The following GPRIN3 variants were observed in gnomAD, a reference collection of about 807,000 sequenced individuals.
The protein encoded by GPRIN3 is G protein-regulated inducer of neurite outgrowth 3.
A neutral mutation model predicts 13.7 loss-of-function variants in GPRIN3; 12 were observed. That is an observed-to-expected ratio of 0.87 (90% CI 0.56 to 1.42). The LOEUF (loss-of-function observed/expected upper bound fraction) is 1.42, where lower values mean the gene tolerates loss of function less well. GPRIN3 is among the 40% of genes most tolerant of loss of function. The pLI is 0.00. For missense variants in GPRIN3, 1,009 were observed against 958.7 expected, an observed-to-expected ratio of 1.05 and a Z score of -0.69; for synonymous variants, 377 against 372.7, an observed-to-expected ratio of 1.01 and a Z score of -0.13.
Position 89,250,326 on chromosome 4 carries a change from A to G in GPRIN3, c.-123-93T>C, listed in dbSNP as rs1723293793. 9.0e-6 allele frequency: 8 copies of G among 885,566 alleles called. No homozygotes were observed. In the East Asian group the frequency reaches 2.5e-4, roughly 27 times the overall value. 54.9% of individuals were successfully genotyped at this position (885,566 alleles called of 1,614,324 possible). ...GTCGTTTTTATAAGAGCACATTAAA[A>G]ACTTTTCTTCCCATACCTGTTGATA... On this transcript the variant is annotated intron_variant, in intron 1 of 1. Transcript: ENST00000609438.
Position 89,261,698 on chromosome 4 carries a change from A to C in GPRIN3, c.-123-11465T>G, listed in dbSNP as rs554189740. Among the ~76,000 whole-genome samples, 315 of 152,336 alleles carry C rather than the reference A, an allele frequency of 2.1e-3. 2 individuals carry two copies. The highest frequency in any genetic ancestry group is 7.1e-3 in the African/African-American group (294 of 41,566). On this transcript the variant is annotated intron_variant, in intron 1 of 1. Coordinates refer to ENST00000609438, the MANE Select transcript of GPRIN3 (RefSeq NM_198281.3). ...ATGCACAAGGTTTTTCACTACATGA[A>C]ATAACAACAGATTAGAAGCAATTTA...
chr4:89,281,469 C>T (rs1724248997), intron 1 of GPRIN3, among the ~76,000 whole-genome samples: 1 of 152,194 alleles, frequency 6.6e-6, no homozygotes, highest in Admixed American at 6.5e-5. Context: ...AAGTCACTCA[C>T]TGTCGTGAAG....
rs1723289313 is a variant in GPRIN3 at position 89,250,199 on chromosome 4, G to A, written c.-89C>T. On this transcript the variant is annotated 5_prime_UTR_variant, in exon 2 of 2. Coordinates refer to ENST00000609438, the MANE Select transcript of GPRIN3 (RefSeq NM_198281.3). Reference sequence around the variant, plus strand: ...GAGCGCAGTCAGAGCTCAGAGTGATGACACAGTCAGGGATGATTCCTCTGA... The same window carrying A: ...GAGCGCAGTCAGAGCTCAGAGTGATAACACAGTCAGGGATGATTCCTCTGA... The A allele has an allele frequency of 6.6e-7, 1 of 1,520,774 alleles. No individual in the cohort carries two copies. Among genetic ancestry groups the A allele is most frequent in the Non-Finnish European group, 8.8e-7 (1 of 1,135,500 alleles). 94.2% of individuals were successfully genotyped at this position (1,520,774 alleles called of 1,614,324 possible).
intron 1 of GPRIN3, among the ~76,000 whole-genome samples, chr4:89,277,570 T>C (rs1217305990): frequency 6.6e-6 from 1 of 152,252 alleles, no homozygotes; most frequent in Non-Finnish European, 1.5e-5. Context: ...GTCTTCCCCG[T>C]CTGCCAACTG....
rs995037994 is a variant in GPRIN3, at chr4:89,248,504, C to G, written c.1607G>C (p.Arg536Thr). Reference protein sequence around the residue: ...SLDPTNKGDAREKKPASPQVV... With the variant: ...SLDPTNKGDATEKKPASPQVV... ...CTGAGGAGATGCAGGCTTCTTTTCC[C>G]TTGCATCTCCTTTATTAGTGGGATC... The change falls in exon 2 of 2, where the codon AGG (arginine) becomes ACG (threonine). Residue 536 changes from arginine to threonine, a missense_variant. Arg to Thr is a moderately conservative substitution (Grantham distance 71). Coordinates refer to ENST00000609438, the MANE Select transcript of GPRIN3 (RefSeq NM_198281.3). 1 of 1,612,984 alleles carries G rather than the reference C, an allele frequency of 6.2e-7. No homozygotes were observed. Among genetic ancestry groups the G allele is most frequent in the Non-Finnish European group, 8.5e-7 (1 of 1,179,452 alleles).
At position 89,250,239 on chromosome 4, in the gene GPRIN3, A is replaced by G; in HGVS notation, c.-123-6T>C. ...GATTCCTCTGAAGAACCAGCCTGTGAATCAAGGAAACAGCATCATTAATAC... is the reference window on the plus strand; with the variant it reads ...GATTCCTCTGAAGAACCAGCCTGTGGATCAAGGAAACAGCATCATTAATAC... On this transcript the variant is annotated splice_region_variant and splice_polypyrimidine_tract_variant and intron_variant, in intron 1 of 1. Transcript: ENST00000609438. The G allele has an allele frequency of 1.3e-6, 2 of 1,492,890 alleles. No homozygotes were observed. The highest frequency in any genetic ancestry group is 1.8e-6 in the Non-Finnish European group (2 of 1,121,184). The allele number at this position is 1,492,890 out of a possible 1,614,324, so 92.5% of individuals were successfully genotyped here.
At position 89,249,596 on chromosome 4, in the gene GPRIN3, C is replaced by A; in HGVS notation, c.515G>T (p.Cys172Phe). ...SNREQPEKPS[C>F]PVGGVLSSSK... Reference sequence around the variant, plus strand: ...GCTACTGAGGACGCCTCCCACAGGACAACTTGGTTTCTCAGGTTGCTCTCT... The same window carrying A: ...GCTACTGAGGACGCCTCCCACAGGAAAACTTGGTTTCTCAGGTTGCTCTCT... The change falls in exon 2 of 2, where the codon TGT becomes TTT. Residue 172 changes from cysteine (C) to phenylalanine (F), a missense_variant. Cys to Phe is a radical substitution (Grantham distance 205, BLOSUM62 -2). Coordinates refer to ENST00000609438, the MANE Select transcript of GPRIN3 (RefSeq NM_198281.3). 6.2e-7 allele frequency: 1 copy of A among 1,614,144 alleles called. No homozygotes were observed. The highest frequency in any genetic ancestry group is 8.5e-7 in the Non-Finnish European group (1 of 1,180,014).
rs779328138 is a variant in GPRIN3 at position 89,248,643 on chromosome 4, T to C, written c.1468A>G (p.Thr490Ala). The change falls in exon 2 of 2, where the codon ACC becomes GCC. Residue 490 changes from threonine to alanine, a missense_variant. Thr to Ala is a moderately conservative substitution (Grantham distance 58). Transcript: ENST00000609438. ...ETSYGLGKFE[T>A]RPSEFAEKTT... ...TTCTCTGCAAACTCAGATGGCCTGG[T>C]TTCAAATTTCCCCAATCCATAACTT... 2 of 1,614,154 alleles carry C rather than the reference T, an allele frequency of 1.2e-6. No homozygotes were observed. Among genetic ancestry groups the C allele is most frequent in the African/African-American group, 2.7e-5 (2 of 75,042 alleles).
At chr4:89,270,576 TA>T (rs1361553597) in intron 1 of GPRIN3, among the ~76,000 whole-genome samples, 2 of 98,028 alleles carry the variant, frequency 2.0e-5, no homozygotes, top group African/African-American at 1.3e-4. Context: ...TATATATATA[TA>T]TATATATATA....
chr4:89,247,875 T>C lies in GPRIN3; in HGVS notation c.2236A>G (p.Arg746Gly), dbSNP rs1310033519. The change falls in exon 2 of 2, where the codon AGA becomes GGA. Residue 746 changes from arginine (R) to glycine (G), a missense_variant. Arg to Gly is a moderately radical substitution (Grantham distance 125, BLOSUM62 -2). Coordinates refer to ENST00000609438, the MANE Select transcript of GPRIN3 (RefSeq NM_198281.3). ...SSDTSSNKKLRGRQHSVFQSM... is the reference protein window; with the variant it reads ...SSDTSSNKKLGGRQHSVFQSM... ...TGGAAAACACTGTGCTGCCTTCCTC[T>C]GAGCTTCTTATTTGAAGAAGTATCT... The C allele has an allele frequency of 5.0e-6, 8 of 1,614,082 alleles. No individual in the cohort carries two copies. The highest frequency in any genetic ancestry group is 4.0e-5 in the African/African-American group (3 of 74,938).
At chr4:89,306,820 TCCCATCA>T (rs2110035296) in intron 1 of GPRIN3, among the ~76,000 whole-genome samples, 1 of 152,288 alleles carries the variant, frequency 6.6e-6, no homozygotes, top group African/African-American at 2.4e-5. Flanking sequence ...TTCGATGCCT[TCCCATCA>T]CCCAAAATTC....
chr4:89,283,618 G>C (rs1724319167), intron 1 of GPRIN3, among the ~76,000 whole-genome samples: 2 of 152,154 alleles, frequency 1.3e-5, no homozygotes, highest in African/African-American at 4.8e-5. Flanking sequence ...GTAGAGCTCG[G>C]CATAGGGTGT....
At chr4:89,286,322 T>C (rs563230310) in intron 1 of GPRIN3, among the ~76,000 whole-genome samples, 2 of 152,122 alleles carry the variant, frequency 1.3e-5, no homozygotes, top group South Asian at 4.1e-4. Flanking sequence ...ATCAGGTGGA[T>C]GGTGTTCATT....
At chr4:89,262,539 T>C (rs559148981) in intron 1 of GPRIN3, among the ~76,000 whole-genome samples, 1 of 152,336 alleles carries the variant, frequency 6.6e-6, no homozygotes, top group South Asian at 2.1e-4. Flanking sequence ...TCAGTGATGA[T>C]GGATTCGTGC....
chr4:89,262,640 T>A (rs1030123053), intron 1 of GPRIN3, among the ~76,000 whole-genome samples: 1 of 152,210 alleles, frequency 6.6e-6, no homozygotes, highest in Admixed American at 6.5e-5. Flanking sequence ...AATTTTCTTA[T>A]CCATCTTGGT....
chr4:89,250,057 A>G lies in GPRIN3; in HGVS notation c.54T>C (p.Ala18=), dbSNP rs1468106337. Residue 18 remains alanine, a synonymous_variant, in exon 2 of 2, where the codon GCT becomes GCC. Transcript: ENST00000609438. Reference sequence around the variant, plus strand: ...CTCCTAGATCGTCTTCTTTTCCGGAAGCTGCAATCAGGGAAGTTTTAGCTG... The same window carrying G: ...CTCCTAGATCGTCTTCTTTTCCGGAGGCTGCAATCAGGGAAGTTTTAGCTG... ...LRSAKTSLIA[A]SGKEDDLGEP... is the part of the protein sequence containing the mutation. The G allele has an allele frequency of 1.9e-6, 3 of 1,613,760 alleles. No homozygotes were observed. The highest frequency in any genetic ancestry group is 2.5e-6 in the Non-Finnish European group (3 of 1,179,782).
intron 1 of GPRIN3, among the ~76,000 whole-genome samples, chr4:89,289,559 A>G (rs539684277): frequency 6.6e-6 from 1 of 152,236 alleles, no homozygotes; most frequent in South Asian, 2.1e-4. Flanking sequence ...CACAGATACT[A>G]TTTCTTATAA....
chr4:89,297,656 A>C (rs923408590), intron 1 of GPRIN3, among the ~76,000 whole-genome samples: 1 of 152,200 alleles, frequency 6.6e-6, no homozygotes, highest in Non-Finnish European at 1.5e-5. Flanking sequence ...TTAAACTTCC[A>C]AGGTTGAAGC....
Position 89,264,833 on chromosome 4 carries a change from A to G in GPRIN3, c.-123-14600T>C, listed in dbSNP as rs182622802. 1.4e-4 allele frequency among the ~76,000 whole-genome samples: 21 copies of G among 152,316 alleles called. No individual in the cohort carries two copies. In the East Asian group the frequency reaches 3.7e-3, roughly 27 times the overall value. On this transcript the variant is annotated intron_variant, in intron 1 of 1. Transcript: ENST00000609438. ...TTTTTTTCCATAACATTAATCACCTAAAATACCAAAACATTTACCCATTTA... is the reference window on the plus strand; with the variant it reads ...TTTTTTTCCATAACATTAATCACCTGAAATACCAAAACATTTACCCATTTA...
Sources: gnomAD v4.1 joint callset for allele counts (sites outside exome capture counted in the v4.1 genomes callset) on GRCh38, gnomAD v4.1.1 for gene constraint, MANE v1.5 for transcripts, NCBI Gene and HGNC (gene_info 2026-07-23, HGNC 2026-07-21) for gene names.